EPHA6: variants seen among roughly 807,000 people sequenced by gnomAD.
EPHA6 encodes ephrin type-A receptor 6.
EPHA6 carries 50 observed loss-of-function variants against 112.0 expected under a neutral mutation model. That is an observed-to-expected ratio of 0.45 (90% CI 0.36 to 0.56). EPHA6 has a LOEUF of 0.56. Among genes scored for constraint, EPHA6 ranks in the 20% least tolerant of loss-of-function variants. EPHA6 has a pLI of 0.00. For synonymous variants in EPHA6, 529 were observed against 490.7 expected (o/e 1.08, Z -1.03); for missense variants, 1,280 against 1,417.4 (o/e 0.90, Z 1.56).
intron 3 of EPHA6, chr3:97,010,235 A>C (rs2044036623): frequency 2.0e-6 from 1 of 488,254 alleles, no homozygotes; most frequent in Non-Finnish European, 3.3e-6. Context: ...GATTATTTGT[A>C]ATATCATGTA....
intron 5 of EPHA6, among the ~76,000 whole-genome samples, chr3:97,329,759 C>T (rs546034496): frequency 2.0e-5 from 3 of 152,160 alleles, no homozygotes; most frequent in South Asian, 2.1e-4. Flanking sequence ...TTCTCCCATT[C>T]TGTAGGTTGC....
intron 10 of EPHA6, among the ~76,000 whole-genome samples, chr3:97,516,600 A>G (rs2092451774): frequency 6.6e-6 from 1 of 152,220 alleles, no homozygotes; most frequent in African/African-American, 2.4e-5. Flanking sequence ...ATTTACTTTA[A>G]GACTTCAAGA....
At chr3:97,720,205 A>AT (rs2034464614) in intron 14 of EPHA6, 56 bp from the exon 15 acceptor site, 25 of 1,412,862 alleles carry the variant, frequency 1.8e-5, no homozygotes, top group Non-Finnish European at 2.2e-5. Flanking sequence ...TTGGAATACC[A>AT]TTTTGTTTTT....
chr3:97,092,734 A>C (rs2047112500), intron 3 of EPHA6, among the ~76,000 whole-genome samples: 1 of 152,110 alleles, frequency 6.6e-6, no homozygotes, highest in African/African-American at 2.4e-5. Context: ...ATTTAGACCC[A>C]TCCAGGTGCA....
chr3:97,501,999 T>C (rs1184495423), intron 10 of EPHA6, among the ~76,000 whole-genome samples: 4 of 151,792 alleles, frequency 2.6e-5, no homozygotes, highest in African/African-American at 9.7e-5. Flanking sequence ...GTGCCTTCCA[T>C]GGAGACAAGA....
intron 7 of EPHA6, among the ~76,000 whole-genome samples, chr3:97,473,577 C>T (rs2107454121): frequency 6.6e-6 from 1 of 151,898 alleles, no homozygotes; most frequent in African/African-American, 2.4e-5. Flanking sequence ...TTGAATTATG[C>T]TATTTATTTT....
intron 3 of EPHA6, among the ~76,000 whole-genome samples, chr3:97,075,606 CATGCTGGACA>C (rs2046491767): frequency 6.6e-6 from 1 of 151,848 alleles, no homozygotes; most frequent in African/African-American, 2.4e-5. Context: ...ATAATGGAAA[CATGCTGGACA>C]TGTCTCCCCT....
At chr3:97,490,286 G>A (rs1484750169) in intron 10 of EPHA6, among the ~76,000 whole-genome samples, 6 of 151,842 alleles carry the variant, frequency 4.0e-5, no homozygotes, top group Non-Finnish European at 7.4e-5. Flanking sequence ...AGGACATTTG[G>A]GAATTACAAT....
Position 97,570,973 on chromosome 3 carries a change from T to A in EPHA6, c.2387-21639T>A, listed in dbSNP as rs2093327396. 1.3e-5 allele frequency among the ~76,000 whole-genome samples: 2 copies of A among 151,730 alleles called. 1 individual carries two copies. Among genetic ancestry groups the A allele is most frequent in the South Asian group, 4.2e-4 (2 of 4,818 alleles). On this transcript the variant is annotated intron_variant, in intron 11 of 17. Transcript: ENST00000389672. Reference sequence around the variant, plus strand: ...TAGCAATAGGAAGTCATCTTCAGAGTGTGTTGAGAATGAAAGGGTCAGCAA... The same window carrying A: ...TAGCAATAGGAAGTCATCTTCAGAGAGTGTTGAGAATGAAAGGGTCAGCAA...
chr3:96,995,692 G>A (rs1452703611), intron 3 of EPHA6, among the ~76,000 whole-genome samples: 1 of 151,992 alleles, frequency 6.6e-6, no homozygotes, highest in Admixed American at 6.6e-5. Flanking sequence ...CACTATTATT[G>A]TCTATTAGGT....
intron 3 of EPHA6, among the ~76,000 whole-genome samples, chr3:97,062,221 G>A (rs182122524): frequency 1.7e-4 from 26 of 152,226 alleles, no homozygotes; most frequent in Non-Finnish European, 2.8e-4. Flanking sequence ...ATCAGTCAGG[G>A]TCTAATAAGG....
At chr3:96,899,439 C>T (rs921237789) in intron 2 of EPHA6, among the ~76,000 whole-genome samples, 13 of 152,162 alleles carry the variant, frequency 8.5e-5, no homozygotes, top group Non-Finnish European at 1.3e-4. Context: ...GGAAAAACTA[C>T]TACAAGTCAG....
rs557125407 is a variant in EPHA6 at position 97,654,539 on chromosome 3, A to ACCTT, written c.2784+16458_2784+16461dup. Among the ~76,000 whole-genome samples, 666 of 152,118 alleles carry ACCTT rather than the reference A, an allele frequency of 4.4e-3. 1 individual carries two copies. Among genetic ancestry groups the ACCTT allele is most frequent in the Middle Eastern group, 0.031 (9 of 292 alleles). On this transcript the variant is annotated intron_variant, in intron 14 of 17. Transcript: ENST00000389672. ...ACAACAAAAATAAAAGTGAGTAGCT[A>ACCTT]CCTTGAAAGACATGGCCAGTAAATA... is the stretch of plus-strand genomic sequence containing the variant.
chr3:97,259,577 A>G (rs947346168), intron 5 of EPHA6, among the ~76,000 whole-genome samples: 1 of 152,182 alleles, frequency 6.6e-6, no homozygotes, highest in Non-Finnish European at 1.5e-5. Context: ...CTATCCCTGG[A>G]GCCTCGAACA....
chr3:97,561,816 CTT>C (rs2093196348), intron 11 of EPHA6, among the ~76,000 whole-genome samples: 1 of 152,072 alleles, frequency 6.6e-6, no homozygotes, highest in Non-Finnish European at 1.5e-5. Context: ...GACAAGCTGA[CTT>C]TTCTGTAGGG....
chr3:97,293,815 A>G (rs1380336940), intron 5 of EPHA6, among the ~76,000 whole-genome samples: 1 of 152,134 alleles, frequency 6.6e-6, no homozygotes, highest in Admixed American at 6.5e-5. Context: ...TGTCATCAAC[A>G]TGTCCATGGA....
intron 5 of EPHA6, among the ~76,000 whole-genome samples, chr3:97,355,328 A>G (rs1290844892): frequency 6.6e-6 from 1 of 152,208 alleles, no homozygotes; most frequent in African/African-American, 2.4e-5. Flanking sequence ...AGACAATATA[A>G]TAAGATATAA....
At chr3:97,268,124 C>G (rs994941092) in intron 5 of EPHA6, among the ~76,000 whole-genome samples, 5 of 152,086 alleles carry the variant, frequency 3.3e-5, no homozygotes, top group Admixed American at 2.0e-4. Flanking sequence ...CCAGCTACAC[C>G]TCCAGGCAGC....
chr3:97,249,991 A>T (rs1338158148), intron 5 of EPHA6, among the ~76,000 whole-genome samples: 1 of 152,210 alleles, frequency 6.6e-6, no homozygotes, highest in Non-Finnish European at 1.5e-5. Context: ...AGAGTAAGTG[A>T]TTTGAAAATA....
Sources: gnomAD v4.1 joint callset for allele counts (sites outside exome capture counted in the v4.1 genomes callset) on GRCh38, gnomAD v4.1.1 for gene constraint, MANE v1.5 for transcripts, NCBI Gene and HGNC (gene_info 2026-07-23, HGNC 2026-07-21) for gene names.